The following NT5M variants were observed in gnomAD, a reference collection of about 807,000 sequenced individuals.
NT5M encodes 5'(3')-deoxyribonucleotidase, mitochondrial.
In NT5M, 22 loss-of-function variants were observed where a neutral mutation model predicts 22.2. That is an observed-to-expected ratio of 0.99 (90% CI 0.71 to 1.41). The LOEUF (loss-of-function observed/expected upper bound fraction) is 1.41, where lower values mean the gene tolerates loss of function less well. NT5M is among the 40% of genes most tolerant of loss of function. The pLI, the probability that NT5M is intolerant of heterozygous loss-of-function variation, is 0.00. For synonymous variants in NT5M, 167 were observed against 133.0 expected, an observed-to-expected ratio of 1.26 and a Z score of -1.76; for missense variants, 322 against 314.8, an observed-to-expected ratio of 1.02 and a Z score of -0.17.
At chr17:17,339,177 A>G (rs911052064) in intron 3 of NT5M, among the ~76,000 whole-genome samples, 4 of 152,134 alleles carry the variant, frequency 2.6e-5, no homozygotes, top group Non-Finnish European at 5.9e-5. Flanking sequence ...TCAGTGTTTT[A>G]TAGTTTACAG....
chr17:17,326,153 C>T (rs898914247), intron 3 of NT5M, among the ~76,000 whole-genome samples: 6 of 152,228 alleles, frequency 3.9e-5, no homozygotes, highest in South Asian at 2.1e-4. Flanking sequence ...ACCTTTGATA[C>T]GCCAGGCAAT....
At chr17:17,338,922 T>A (rs1430171788) in intron 3 of NT5M, among the ~76,000 whole-genome samples, 2 of 151,868 alleles carry the variant, frequency 1.3e-5, no homozygotes, top group Non-Finnish European at 2.9e-5. Context: ...AGAGACGGGG[T>A]TTCACTGTGT....
At chr17:17,309,825 G>GTTT (rs200027700) in intron 2 of NT5M, among the ~76,000 whole-genome samples, 3 of 139,524 alleles carry the variant, frequency 2.2e-5, no homozygotes. Flanking sequence ...AACTTTTGTG[G>GTTT]TTTTTGTTTT....
Position 17,331,881 on chromosome 17 carries a change from C to T in NT5M, c.429+8636C>T, listed in dbSNP as rs571686071. Among the ~76,000 whole-genome samples the T allele has an allele frequency of 4.0e-4, 60 of 151,214 alleles. 1 individual carries two copies. The highest frequency in any genetic ancestry group is 7.9e-4 in the Non-Finnish European group (54 of 67,976). Reference sequence around the variant, plus strand: ...CTGCAAGCTCCGCCTCCTGGGTTCACACCATTCTCCTGCCTTGGCCTCCCA... The same window carrying T: ...CTGCAAGCTCCGCCTCCTGGGTTCATACCATTCTCCTGCCTTGGCCTCCCA... On this transcript the variant is annotated intron_variant, in intron 3 of 4. Transcript: ENST00000389022.
intron 2 of NT5M, among the ~76,000 whole-genome samples, chr17:17,310,698 C>A (rs921381070): frequency 4.1e-5 from 6 of 146,550 alleles, no homozygotes; most frequent in African/African-American, 1.5e-4. Flanking sequence ...AATAGCCAGG[C>A]ATAGTGGTGC....
rs368343152 is a variant in NT5M at position 17,346,382 on chromosome 17, G to T, written c.545-423G>T. Among the ~76,000 whole-genome samples, 111 of 152,374 alleles carry T rather than the reference G, an allele frequency of 7.3e-4. 1 individual carries two copies. The South Asian group carries it at 0.023, about 31-fold the overall frequency. On this transcript the variant is annotated intron_variant, in intron 4 of 4. Coordinates refer to ENST00000389022, the MANE Select transcript of NT5M (RefSeq NM_020201.4). ...CAGCGGCTGGTGAGCTGCAGAGCTG[G>T]TGCCACCTGGCCTTCCCACACCAGG...
rs561955587 is a variant in NT5M, at chr17:17,316,375, T to TTATG, written c.369-6807_369-6806insGTAT. 1.5e-3 allele frequency among the ~76,000 whole-genome samples: 231 copies of TTATG among 150,020 alleles called. 1 individual carries two copies. The highest frequency in any genetic ancestry group is 5.3e-3 in the African/African-American group (216 of 40,766). The stretch of plus-strand genomic sequence containing the variant: ...GCCCAGCTGTAACTTAGGTTTTTAT[T>TTATG]TATTTATTTATTTATTCGAGACAGA... On this transcript the variant is annotated intron_variant, in intron 2 of 4. Coordinates refer to ENST00000389022, the MANE Select transcript of NT5M (RefSeq NM_020201.4).
intron 2 of NT5M, among the ~76,000 whole-genome samples, chr17:17,308,574 A>G (rs557193410): frequency 6.6e-6 from 1 of 152,210 alleles, no homozygotes; most frequent in East Asian, 1.9e-4. Flanking sequence ...CCTGGGCAAC[A>G]GAGTGAAACT....
At chr17:17,304,683 ATC>A (rs2048756840) in intron 1 of NT5M, among the ~76,000 whole-genome samples, 1 of 152,210 alleles carries the variant, frequency 6.6e-6, no homozygotes, top group East Asian at 1.9e-4. Flanking sequence ...AGATATTATT[ATC>A]TCTGTTTTCC....
chr17:17,310,638 C>T (rs975796273), intron 2 of NT5M, among the ~76,000 whole-genome samples: 5 of 151,988 alleles, frequency 3.3e-5, no homozygotes, highest in African/African-American at 4.8e-5. Flanking sequence ...GAATTTGAGC[C>T]CAGTCTGGCC....
At chr17:17,340,257 G>A (rs2049609282) in intron 3 of NT5M, among the ~76,000 whole-genome samples, 1 of 152,110 alleles carries the variant, frequency 6.6e-6, no homozygotes, top group African/African-American at 2.4e-5. Flanking sequence ...ATTTTCTAAT[G>A]TATTGGCATG....
intron 2 of NT5M, among the ~76,000 whole-genome samples, chr17:17,321,590 G>T (rs2049152638): frequency 6.6e-6 from 1 of 152,010 alleles, no homozygotes; most frequent in Non-Finnish European, 1.5e-5. Context: ...AGAGCTGCCA[G>T]GCAGCTGCAG....
intron 3 of NT5M, among the ~76,000 whole-genome samples, chr17:17,325,481 C>T (rs1465004807): frequency 5.3e-5 from 8 of 152,068 alleles, no homozygotes; most frequent in Admixed American, 5.2e-4. Context: ...CCCATGGGAC[C>T]GATTTCGAAA....
chr17:17,303,555 T>G lies in NT5M; in HGVS notation c.5T>G (p.Ile2Ser), dbSNP rs1162316173. 102 of 1,082,348 alleles carry G rather than the reference T, an allele frequency of 9.4e-5. No homozygotes were observed. The highest frequency in any genetic ancestry group is 1.1e-4 in the Non-Finnish European group (101 of 892,488). 67.0% of individuals were successfully genotyped at this position (1,082,348 alleles called of 1,614,324 possible). M[I>S]RLGGWCARRL... ...GACGGGCCAGCGCGCTGGGCCATGATCCGGCTGGGCGGCTGGTGTGCGCGG... is the reference window on the plus strand; with the variant it reads ...GACGGGCCAGCGCGCTGGGCCATGAGCCGGCTGGGCGGCTGGTGTGCGCGG... Residue 2 changes from isoleucine (I) to serine (S), a missense_variant, in exon 1 of 5, where the codon ATC (isoleucine) becomes AGC (serine). Physicochemically the swap from Ile to Ser is moderately radical, Grantham distance 142. Transcript: ENST00000389022.
rs1411980611 is a variant in NT5M at position 17,306,615 on chromosome 17, G to A, written c.340G>A (p.Ala114Thr). Reference sequence around the variant, plus strand: ...TGAGCCTCTGCCAGGGGCCGTGGAAGCTGTCAAGGAGATGGCCAGCCTACA... The same window carrying A: ...TGAGCCTCTGCCAGGGGCCGTGGAAACTGTCAAGGAGATGGCCAGCCTACA... ...ELEPLPGAVE[A>T]VKEMASLQNT... Residue 114 changes from alanine (A) to threonine (T), a missense_variant, in exon 2 of 5, where the codon GCT becomes ACT. Transcript: ENST00000389022. 2 of 1,613,994 alleles carry A rather than the reference G, an allele frequency of 1.2e-6. No homozygotes were observed. The highest frequency in any genetic ancestry group is 8.5e-7 in the Non-Finnish European group (1 of 1,179,938).
chr17:17,318,198 C>A (rs1189641187), intron 2 of NT5M, among the ~76,000 whole-genome samples: 4 of 151,876 alleles, frequency 2.6e-5, no homozygotes. Context: ...GAATGACTGC[C>A]GGGCATGGTG....
chr17:17,341,291 C>G (rs1313473012), intron 3 of NT5M, among the ~76,000 whole-genome samples: 1 of 152,114 alleles, frequency 6.6e-6, no homozygotes, highest in African/African-American at 2.4e-5. Flanking sequence ...TTTAGTACGT[C>G]TGTATCAGGC....
chr17:17,318,412 G>A (rs1406964948), intron 2 of NT5M, among the ~76,000 whole-genome samples: 2 of 150,828 alleles, frequency 1.3e-5, no homozygotes, highest in Admixed American at 6.6e-5. Flanking sequence ...CTGGGGAAAC[G>A]GGAGGTTGCA....
At chr17:17,333,089 G>A (rs1470110176) in intron 3 of NT5M, among the ~76,000 whole-genome samples, 1 of 152,072 alleles carries the variant, frequency 6.6e-6, no homozygotes, top group Non-Finnish European at 1.5e-5. Flanking sequence ...GTTTTGATTT[G>A]CATTTCCTTG....
Sources: allele counts gnomAD v4.1 joint callset (sites outside exome capture counted in the v4.1 genomes callset), GRCh38; gene constraint gnomAD v4.1.1; transcripts MANE v1.5; gene names NCBI Gene and HGNC (gene_info 2026-07-23, HGNC 2026-07-21).